Variants in CLSTN3 observed in about 807,000 individuals in gnomAD.
CLSTN3 encodes the protein calsyntenin 3.
CLSTN3 carries 36 observed loss-of-function variants against 95.9 expected under a neutral mutation model. That is an observed-to-expected ratio of 0.38 (90% CI 0.29 to 0.50). The LOEUF (loss-of-function observed/expected upper bound fraction) is 0.50, where lower values mean the gene tolerates loss of function less well. Among genes scored for constraint, CLSTN3 ranks in the 20% least tolerant of loss-of-function variants. The pLI, the probability that CLSTN3 is intolerant of heterozygous loss-of-function variation, is 0.95. For missense variants in CLSTN3, 1,084 were observed against 1,268.8 expected, an observed-to-expected ratio of 0.85 and a Z score of 2.21; for synonymous variants, 481 against 504.0, an observed-to-expected ratio of 0.95 and a Z score of 0.61.
At chr12:7,145,469 T>C (rs1448019296) in intron 12 of CLSTN3, among the ~76,000 whole-genome samples, 2 of 152,134 alleles carry the variant, frequency 1.3e-5, no homozygotes, top group African/African-American at 2.4e-5. Flanking sequence ...GTGGCTTTCA[T>C]AGCTTCCAGT....
At chr12:7,134,867 C>CTACATCAGT (rs1260587047) in intron 3 of CLSTN3, among the ~76,000 whole-genome samples, 2 of 152,144 alleles carry the variant, frequency 1.3e-5, no homozygotes, top group African/African-American at 4.8e-5. Context: ...TCCTCATCCC[C>CTACATCAGT]TACATCAGTC....
At position 7,157,913 on chromosome 12, in the gene CLSTN3, C is replaced by A; in HGVS notation, c.2731-28C>A. ...CTGGGATGTGTGCAGGCCATTGATC[C>A]CTTCTCCTCTCTGTTCCTGCCCTCC... On this transcript the variant is annotated intron_variant, in intron 17 of 17. Coordinates refer to ENST00000266546, the MANE Select transcript of CLSTN3 (RefSeq NM_014718.4). This position sits in a 1 kb window ranked among gnomAD's most constrained non-coding sequence, Gnocchi z 5.9. 6.5e-7 allele frequency: 1 copy of A among 1,548,760 alleles called. No homozygotes were observed. Among genetic ancestry groups the A allele is most frequent in the South Asian group, 1.2e-5 (1 of 84,008 alleles).
At chr12:7,146,304 G>T (rs941131154) in intron 12 of CLSTN3, among the ~76,000 whole-genome samples, 1 of 152,300 alleles carries the variant, frequency 6.6e-6, no homozygotes, top group African/African-American at 2.4e-5. Flanking sequence ...GGAGGCTGAG[G>T]TGGGAGAATC....
upstream of CLSTN3, chr12:7,129,646 G>A: frequency 1.0e-6 from 1 of 985,460 alleles, no homozygotes; most frequent in South Asian, 4.7e-5. This position sits in a 1 kb window ranked among gnomAD's most constrained non-coding sequence, Gnocchi z 5.5. Context: ...GTATTTCTGT[G>A]AAGGTGGGGT....
upstream of CLSTN3, chr12:7,130,306 C>CA: frequency 2.2e-6 from 2 of 903,906 alleles, no homozygotes; most frequent in Admixed American, 4.5e-5. Flanking sequence ...CACCTGGTCC[C>CA]CCCCCCTCCC....
intron 12 of CLSTN3, among the ~76,000 whole-genome samples, chr12:7,146,841 C>G (rs751628241): frequency 1.3e-5 from 2 of 152,260 alleles, no homozygotes; most frequent in Admixed American, 1.3e-4. Flanking sequence ...TCTGTTGGAG[C>G]CTGTGCCTTC....
chr12:7,143,374 G>A, intron 12 of CLSTN3, 63 bp downstream of exon 12: 1 of 1,549,744 alleles, frequency 6.5e-7, no homozygotes, highest in Non-Finnish European at 8.7e-7. Context: ...CAGCTCCTTG[G>A]CCTAAGGCGT....
chr12:7,138,850 A>C (rs1189349157), intron 8 of CLSTN3: 1 of 151,308 alleles, frequency 6.6e-6, no homozygotes, highest in Non-Finnish European at 1.5e-5. Flanking sequence ...AAAAAAAAAA[A>C]AAAAAAGCAT....
chr12:7,136,871 C>G lies in CLSTN3; in HGVS notation c.971C>G (p.Pro324Arg). 6.2e-7 allele frequency: 1 copy of G among 1,614,124 alleles called. No homozygotes were observed. Among genetic ancestry groups the G allele is most frequent in the Non-Finnish European group, 8.5e-7 (1 of 1,180,026 alleles). The part of the protein sequence containing the change: ...GEVDLLPMPG[P>R]NANWTAGLSV... ...GTGGATCTGTTGCCCATGCCTGGCC[C>G]CAATGCCAACTGGACAGCAGGACTC... is the stretch of plus-strand genomic sequence containing the variant. The change falls in exon 7 of 18, where the codon CCC becomes CGC. Residue 324 changes from proline (P) to arginine (R), a missense_variant. Transcript: ENST00000266546.
rs1176417714 is a variant in CLSTN3 at position 7,158,208 on chromosome 12, T to G, written c.*127T>G. The G allele has an allele frequency of 2.4e-6, 3 of 1,227,346 alleles. No homozygotes were observed. The African/African-American group carries it at 4.6e-5, about 19-fold the overall frequency. 76.0% of individuals were successfully genotyped at this position (1,227,346 alleles called of 1,614,324 possible). A position where few individuals can be genotyped will look rare whatever the true frequency, so the allele number is the denominator to read the frequency against. ...AGAGAGGCTTCAGAACCAGTCCTCCTTTCATTTCAAAACCCCAGCGGGCCC... is the reference window on the plus strand; with the variant it reads ...AGAGAGGCTTCAGAACCAGTCCTCCGTTCATTTCAAAACCCCAGCGGGCCC... On this transcript the variant is annotated 3_prime_UTR_variant, in exon 18 of 18. Coordinates refer to ENST00000266546, the MANE Select transcript of CLSTN3 (RefSeq NM_014718.4).
chr12:7,146,166 G>C (rs1020311504), intron 12 of CLSTN3, among the ~76,000 whole-genome samples: 2 of 152,174 alleles, frequency 1.3e-5, no homozygotes, highest in African/African-American at 4.8e-5. Flanking sequence ...CAAATGTGCT[G>C]GGTGCCGTGG....
upstream of CLSTN3, chr12:7,129,590 C>T: frequency 1.0e-6 from 1 of 984,478 alleles, no homozygotes; most frequent in African/African-American, 1.7e-5. This position sits in a 1 kb window ranked among gnomAD's most constrained non-coding sequence, Gnocchi z 5.5. Context: ...TCGATGAGAC[C>T]GTAACCCCCA....
At chr12:7,148,212 G>A (rs186102930) in intron 12 of CLSTN3, among the ~76,000 whole-genome samples, 1 of 147,322 alleles carries the variant, frequency 6.8e-6, no homozygotes, top group Admixed American at 6.7e-5. Context: ...AAGAAAGAAA[G>A]AAATGTGGGA....
In CLSTN3 at chr12:7,158,045, G is replaced by C; in HGVS notation, c.2835G>C (p.Glu945Asp). 1 of 1,548,078 alleles carries C rather than the reference G, an allele frequency of 6.5e-7. No homozygotes were observed. Among genetic ancestry groups the C allele is most frequent in the Non-Finnish European group, 8.7e-7 (1 of 1,144,716 alleles). The part of the protein sequence containing the change: ...SEVADSPSSD[E>D]RRIIETPPHR... ...TGGCCGATTCCCCCAGCAGCGACGA[G>C]AGACGCATCATCGAGACCCCCCCAC... The change falls in exon 18 of 18, where the codon GAG (glutamate) becomes GAC (aspartate). Residue 945 changes from glutamate (E) to aspartate (D), a missense_variant. Glu to Asp is a conservative substitution (Grantham distance 45). Coordinates refer to ENST00000266546, the MANE Select transcript of CLSTN3 (RefSeq NM_014718.4).
intron 5 of CLSTN3, 56 bp downstream of exon 5, chr12:7,136,009 T>C: frequency 6.5e-7 from 1 of 1,550,284 alleles, no homozygotes. Context: ...TTGGTCTCTC[T>C]TTCTGTCCTT....
At chr12:7,148,048 T>C (rs768553656) in intron 12 of CLSTN3, among the ~76,000 whole-genome samples, 29 of 151,712 alleles carry the variant, frequency 1.9e-4, no homozygotes, top group Non-Finnish European at 3.1e-4. Context: ...CCCAGCTACT[T>C]GGGAGGCTGA....
intron 8 of CLSTN3, chr12:7,138,572 T>G (rs1483487556): frequency 1.3e-5 from 2 of 152,798 alleles, no homozygotes; most frequent in Non-Finnish European, 2.9e-5. Flanking sequence ...TCGTTAGGAT[T>G]AAATGATGTA....
Position 7,157,161 on chromosome 12 carries a change from C to T in CLSTN3, c.2528-328C>T, listed in dbSNP as rs1236075301. ...GACAGGGGCAGATTCCAGTCCTTGCCCTCTGTCCTCTGCGAATAGGGCTGT... is the reference window on the plus strand; with the variant it reads ...GACAGGGGCAGATTCCAGTCCTTGCTCTCTGTCCTCTGCGAATAGGGCTGT... On this transcript the variant is annotated intron_variant, in intron 16 of 17. Transcript: ENST00000266546. This position sits in a 1 kb window ranked among gnomAD's most constrained non-coding sequence, Gnocchi z 5.9. Among the ~76,000 whole-genome samples, 1 of 152,162 alleles carries T rather than the reference C, an allele frequency of 6.6e-6. No individual in the cohort carries two copies. Among genetic ancestry groups the T allele is most frequent in the Non-Finnish European group, 1.5e-5 (1 of 68,026 alleles).
Position 7,136,404 on chromosome 12 carries a change from C to T in CLSTN3, c.928+13C>T. 1 of 1,593,702 alleles carries T rather than the reference C, an allele frequency of 6.3e-7. No homozygotes were observed. On this transcript the variant is annotated intron_variant, in intron 6 of 17. Coordinates refer to ENST00000266546, the MANE Select transcript of CLSTN3 (RefSeq NM_014718.4). Reference sequence around the variant, plus strand: ...CGGAAACTCTGTGGTAGGTGTGCCCCCAACACTGCCTCAGGCCTATCCCTT... The same window carrying T: ...CGGAAACTCTGTGGTAGGTGTGCCCTCAACACTGCCTCAGGCCTATCCCTT...
Sources: allele counts gnomAD v4.1 joint callset (sites outside exome capture counted in the v4.1 genomes callset), GRCh38; gene constraint gnomAD v4.1.1; non-coding constraint Gnocchi (gnomAD v3.1); transcripts MANE v1.5; gene names NCBI Gene and HGNC (gene_info 2026-07-23, HGNC 2026-07-21).